TMEM266: variants seen among roughly 807,000 people sequenced by gnomAD.
TMEM266 encodes transmembrane protein 266.
TMEM266 carries 33 observed loss-of-function variants against 50.5 expected under a neutral mutation model. The ratio of observed to expected loss-of-function variants is 0.65; its 90% confidence interval spans 0.50 to 0.87. The LOEUF is 0.87. Among genes scored for constraint, TMEM266 ranks in the 40% least tolerant of loss-of-function variants. TMEM266 has a pLI of 0.00. For missense variants in TMEM266, 655 were observed against 695.1 expected (o/e 0.94, Z 0.65); for synonymous variants, 310 against 292.3 (o/e 1.06, Z -0.62).
At chr15:76,064,316 C>T (rs1226785794) in intron 1 of TMEM266, among the ~76,000 whole-genome samples, 1 of 152,206 alleles carries the variant, frequency 6.6e-6, no homozygotes, top group Admixed American at 6.5e-5. Flanking sequence ...ACTGCCAAAG[C>T]ACTTACCCCA....
chr15:76,082,315 C>T (rs751739108), intron 1 of TMEM266, among the ~76,000 whole-genome samples: 2 of 152,170 alleles, frequency 1.3e-5, no homozygotes, highest in Non-Finnish European at 2.9e-5. Context: ...TTCTTTGGCT[C>T]ATGGTTCTGC....
intron 1 of TMEM266, among the ~76,000 whole-genome samples, chr15:76,101,674 T>C (rs1433380438): frequency 6.6e-6 from 1 of 152,176 alleles, no homozygotes; most frequent in East Asian, 1.9e-4. Flanking sequence ...ATCTAGAAAA[T>C]GCAATCCTAC....
At chr15:76,112,605 A>G (rs949412914) in intron 1 of TMEM266, 4 of 152,208 alleles carry the variant, frequency 2.6e-5, no homozygotes, top group African/African-American at 9.7e-5. Flanking sequence ...TGTCCCCAGC[A>G]CAGCATTGAC....
chr15:76,193,558 A>AT (rs1286024563), intron 9 of TMEM266, among the ~76,000 whole-genome samples: 2 of 152,088 alleles, frequency 1.3e-5, no homozygotes, highest in Admixed American at 1.3e-4. Context: ...GAAACATAGG[A>AT]TTTGGGGGCT....
rs543853072 is a variant in TMEM266, at chr15:76,204,101, C to G, written c.1382C>G (p.Ala461Gly). ...CCTTCCCAGAAGGCCTTGGACCCAG[C>G]CCCCCTCGCCCGGCCCAGCCCAGCG... ...DPAPLARPSP[A>G]GSAQTSPELE... Residue 461 changes from alanine (A) to glycine (G), a missense_variant, in exon 11 of 11, where the codon GCC becomes GGC. By Grantham distance (60) the Ala-to-Gly change is moderately conservative. Around this residue, in one of 3 missense-constraint regions of TMEM266, gnomAD observed 455 missense variants for 401.8 expected, o/e 1.13. Coordinates refer to ENST00000388942, the MANE Select transcript of TMEM266 (RefSeq NM_152335.3). The G allele has an allele frequency of 6.2e-7, 1 of 1,612,660 alleles. No homozygotes were observed. Among genetic ancestry groups the G allele is most frequent in the Admixed American group, 1.7e-5 (1 of 60,000 alleles).
At chr15:76,115,322 C>T (rs1470119389) in intron 1 of TMEM266, among the ~76,000 whole-genome samples, 3 of 152,166 alleles carry the variant, frequency 2.0e-5, no homozygotes, top group Admixed American at 6.5e-5. Flanking sequence ...TTTCCCATCA[C>T]CTGATGTGAA....
intron 1 of TMEM266, among the ~76,000 whole-genome samples, chr15:76,086,591 C>G (rs923859567): frequency 2.0e-5 from 3 of 152,176 alleles, no homozygotes; most frequent in Non-Finnish European, 4.4e-5. Flanking sequence ...GGCTCAAGAG[C>G]CTGGTTACAG....
chr15:76,119,647 G>T (rs1373836904), intron 1 of TMEM266, among the ~76,000 whole-genome samples: 1 of 151,936 alleles, frequency 6.6e-6, no homozygotes, highest in African/African-American at 2.4e-5. Context: ...AGCCCCTGTA[G>T]TCCCAACTAC....
intron 1 of TMEM266, among the ~76,000 whole-genome samples, chr15:76,097,254 G>T (rs1042903866): frequency 6.6e-6 from 1 of 152,022 alleles, no homozygotes; most frequent in Non-Finnish European, 1.5e-5. Context: ...GCTGGTACTG[G>T]TTGTTCCTTT....
chr15:76,075,837 C>A (rs867103906), intron 1 of TMEM266, among the ~76,000 whole-genome samples: 2 of 23,574 alleles, frequency 8.5e-5, no homozygotes, highest in Non-Finnish European at 1.8e-4. Flanking sequence ...GAGAAGGCAG[C>A]TTTTTTTTTT....
chr15:76,160,038 A>T lies in TMEM266; in HGVS notation c.383-57A>T. ...TCTGGACGGATGCTGCGAAGCCCCC[A>T]TAGCAACGCACCTAATTCCTCACTC... On this transcript the variant is annotated intron_variant, in intron 4 of 10. Coordinates refer to ENST00000388942, the MANE Select transcript of TMEM266 (RefSeq NM_152335.3). The surrounding 1 kb of genome is among the most constrained non-coding windows in gnomAD (Gnocchi z 5.7). 3.3e-6 allele frequency: 5 copies of T among 1,528,062 alleles called. No individual in the cohort carries two copies. Among genetic ancestry groups the T allele is most frequent in the Non-Finnish European group, 4.5e-6 (5 of 1,102,588 alleles). The allele number at this position is 1,528,062 out of a possible 1,614,324, so 94.7% of individuals were successfully genotyped here. A position where few individuals can be genotyped will look rare whatever the true frequency, so the allele number is the denominator to read the frequency against.
rs192678851 is a variant in TMEM266, at chr15:76,069,684, G to C, written c.-97+9668G>C. Among the ~76,000 whole-genome samples the C allele has an allele frequency of 6.1e-4, 93 of 152,218 alleles. 1 individual carries two copies. The East Asian group carries it at 0.016, about 26-fold the overall frequency. ...ATACAAAAAATTAGCGGGACATGGT[G>C]GTGCACGCCTGTAGTCACAGCTACT... On this transcript the variant is annotated intron_variant, in intron 1 of 10. Transcript: ENST00000388942.
In TMEM266 at chr15:76,191,954, G is replaced by A. The variant is rs148774197; in HGVS notation, c.769-14G>A. On this transcript the variant is annotated splice_polypyrimidine_tract_variant and intron_variant, in intron 8 of 10. Transcript: ENST00000388942. ...CCTCGCCGCTGATTCAGCCTTGCCC[G>A]TCTCCCTCCGCAGTTTGAGATCCGG... The A allele has an allele frequency of 1.1e-3, 1,767 of 1,572,544 alleles. 19 individuals carry two copies. In the African/African-American group the frequency reaches 0.022, roughly 20 times the overall value.
intron 7 of TMEM266, among the ~76,000 whole-genome samples, chr15:76,174,505 C>T (rs62030170): frequency 0.068 from 10,375 of 151,980 alleles, 404 homozygotes; most frequent in Middle Eastern, 0.12. Flanking sequence ...GAGCTGAGAT[C>T]GCCCACTGCA....
chr15:76,202,250 A>G lies in TMEM266; in HGVS notation c.1007A>G (p.Asn336Ser), dbSNP rs1228534096. ...AACAGCTACATCAGTCAGTATTACA[A>G]TGGGCCCAGCAGTGGTAAGTCTGGG... Residue 336 changes from asparagine to serine, a missense_variant, in exon 10 of 11, where the codon AAT becomes AGT. Coordinates refer to ENST00000388942, the MANE Select transcript of TMEM266 (RefSeq NM_152335.3). 1.9e-6 allele frequency: 3 copies of G among 1,613,700 alleles called. No homozygotes were observed. The highest frequency in any genetic ancestry group is 3.3e-5 in the Admixed American group (2 of 59,972).
chr15:76,071,949 GT>G (rs1218891270), intron 1 of TMEM266, among the ~76,000 whole-genome samples: 1 of 151,910 alleles, frequency 6.6e-6, no homozygotes, highest in Non-Finnish European at 1.5e-5. Flanking sequence ...CTTAATTGAG[GT>G]TCTTGAAATT....
rs554785481 is a variant in TMEM266, at chr15:76,133,789, ATT to A, written c.-96-377_-96-376del. Among the ~76,000 whole-genome samples the A allele has an allele frequency of 3.2e-4, 49 of 152,348 alleles. No homozygotes were observed. The South Asian group carries it at 6.4e-3, about 20-fold the overall frequency. ...GTGGGAGAAAAAATACATGGAAAACATTTGAGATTTTTTAGACAAACCTTATT... is the reference window on the plus strand; with the variant it reads ...GTGGGAGAAAAAATACATGGAAAACATGAGATTTTTTAGACAAACCTTATT... On this transcript the variant is annotated intron_variant, in intron 1 of 10. Transcript: ENST00000388942.
At chr15:76,155,304 A>T (rs1373676636) in intron 3 of TMEM266, among the ~76,000 whole-genome samples, 2 of 151,956 alleles carry the variant, frequency 1.3e-5, no homozygotes, top group Non-Finnish European at 2.9e-5. Flanking sequence ...GTGAGGTTTG[A>T]CCTCAGCTCC....
At chr15:76,186,662 T>C (rs1217182025) in intron 8 of TMEM266, among the ~76,000 whole-genome samples, 2 of 152,228 alleles carry the variant, frequency 1.3e-5, no homozygotes, top group African/African-American at 4.8e-5. Context: ...CCCTACCTAC[T>C]TGTCTCTGGC....
Sources: allele counts gnomAD v4.1 joint callset (sites outside exome capture counted in the v4.1 genomes callset), GRCh38; gene constraint gnomAD v4.1.1; regional missense constraint gnomAD v4.1.1; non-coding constraint Gnocchi (gnomAD v3.1); transcripts MANE v1.5; gene names NCBI Gene and HGNC (gene_info 2026-07-23, HGNC 2026-07-21).